Variants in ZNF560 observed in about 807,000 individuals in gnomAD.
ZNF560 encodes the protein zinc finger protein 560.
In ZNF560, 54 loss-of-function variants were observed where a neutral mutation model predicts 81.8. That is an observed-to-expected ratio of 0.66 (90% CI 0.53 to 0.83). The LOEUF is 0.83. Ranked by LOEUF, ZNF560 falls within the 40% of genes least tolerant of loss-of-function variation. ZNF560 has a pLI of 0.00. For synonymous variants in ZNF560, 321 were observed against 317.9 expected, an observed-to-expected ratio of 1.01 and a Z score of -0.10; for missense variants, 940 against 932.4, an observed-to-expected ratio of 1.01 and a Z score of -0.11.
chr19:9,464,907 A>G (rs60851308), downstream of ZNF560, among the ~76,000 whole-genome samples: 16,000 of 152,196 alleles, frequency 0.11, 993 homozygotes, highest in South Asian at 0.2. Flanking sequence ...CCAGTTTCTC[A>G]TAAGTGTGAA....
the ZNF560 span, among the ~76,000 whole-genome samples, chr19:9,453,899 A>T: frequency 6.6e-6 from 1 of 152,236 alleles, no homozygotes; most frequent in African/African-American, 2.4e-5. Flanking sequence ...CTAAGAAAAG[A>T]ATATTGCTTG....
chr19:9,488,707 A>C lies in ZNF560; in HGVS notation c.-57+9421T>G, dbSNP rs529572942. Among the ~76,000 whole-genome samples, 5 of 152,270 alleles carry C rather than the reference A, an allele frequency of 3.3e-5. No individual in the cohort carries two copies. The East Asian group carries it at 9.7e-4, about 29-fold the overall frequency. On this transcript the variant is annotated intron_variant, in intron 2 of 9. Coordinates refer to ENST00000301480, the MANE Select transcript of ZNF560 (RefSeq NM_152476.3). ...TAAGGGTATTAGATCAAGAAGGTTA[A>C]AATGTTAACATTAGATAGGCCCAAA...
intron 2 of ZNF560, among the ~76,000 whole-genome samples, chr19:9,495,737 GA>G (rs1286933998): frequency 6.6e-6 from 1 of 152,040 alleles, no homozygotes; most frequent in Admixed American, 6.6e-5. Context: ...AGAAAGAAAA[GA>G]AAGAAAGAAC....
At chr19:9,498,795 T>C (rs1004267579), upstream of ZNF560, 1 of 145,488 alleles carries the variant, frequency 6.9e-6, no homozygotes, top group Non-Finnish European at 1.5e-5. Flanking sequence ...CAGAGAAAGG[T>C]GGGGGTTAAA....
the ZNF560 span, among the ~76,000 whole-genome samples, chr19:9,449,721 C>T: frequency 6.6e-6 from 1 of 152,142 alleles, no homozygotes; most frequent in Non-Finnish European, 1.5e-5. Context: ...GTAATCCCAG[C>T]ACTTTGGAAA....
chr19:9,458,510 AT>A, the ZNF560 span, among the ~76,000 whole-genome samples: 7 of 152,352 alleles, frequency 4.6e-5, no homozygotes, highest in East Asian at 1.3e-3. Context: ...GATTCTTCAT[AT>A]GTGGTTCTAC....
rs779550008 is a variant in ZNF560, at chr19:9,466,844, A to T, written c.2103T>A (p.Asp701Glu). ...TTATTTTGGTGAGAGTTTTTAAGCG[A>T]TCATGAAAGCACATGGAATTTCGAA... ...NSFRNSMCFH[D>E]RLKTLTKIKP... Residue 701 changes from aspartate (D) to glutamate (E), a missense_variant, in exon 10 of 10, where the codon GAT (aspartate) becomes GAA (glutamate). Coordinates refer to ENST00000301480, the MANE Select transcript of ZNF560 (RefSeq NM_152476.3). The T allele has an allele frequency of 1.2e-6, 2 of 1,613,700 alleles. No individual in the cohort carries two copies. Among genetic ancestry groups the T allele is most frequent in the South Asian group, 2.2e-5 (2 of 91,050 alleles).
rs761566530 is a variant in ZNF560 at position 9,468,270 on chromosome 19, T to G, written c.677A>C (p.His226Pro). 1 of 1,613,580 alleles carries G rather than the reference T, an allele frequency of 6.2e-7. No homozygotes were observed. The highest frequency in any genetic ancestry group is 1.1e-5 in the South Asian group (1 of 90,884). ...ACTCATGTTGGTCTTAAGGCATGGA[T>G]GTTTACAGAAGACATCTTCACATTG... is the stretch of plus-strand genomic sequence containing the variant. Reference protein sequence around the residue: ...CKQCEDVFCKHPCLKTNMSTQ... With the variant: ...CKQCEDVFCKPPCLKTNMSTQ... Residue 226 changes from histidine (H) to proline (P), a missense_variant, in exon 10 of 10, where the codon CAT becomes CCT. Physicochemically the swap from His to Pro is moderately conservative, Grantham distance 77. Coordinates refer to ENST00000301480, the MANE Select transcript of ZNF560 (RefSeq NM_152476.3).
At chr19:9,468,410 T>C in intron 9 of ZNF560, 76 bp from the exon 10 acceptor site, 1 of 1,159,130 alleles carries the variant, frequency 8.6e-7, no homozygotes, top group Non-Finnish European at 1.2e-6. Context: ...CTAAGAAACA[T>C]GATAATTATT....
chr19:9,496,914 G>A lies in ZNF560; in HGVS notation c.-57+1214C>T, dbSNP rs566904012. ...TCACACCACTGCACTCCACCCTGGC[G>A]ACAGAACGAGACTGTGTCTCAAAAA... On this transcript the variant is annotated intron_variant, in intron 2 of 9. Transcript: ENST00000301480. 3.3e-5 allele frequency among the ~76,000 whole-genome samples: 5 copies of A among 151,348 alleles called. No individual in the cohort carries two copies. The South Asian group carries it at 6.3e-4, about 19-fold the overall frequency.
At chr19:9,457,328 G>T in the ZNF560 span, among the ~76,000 whole-genome samples, 15 of 152,248 alleles carry the variant, frequency 9.9e-5, no homozygotes, top group African/African-American at 3.6e-4. Flanking sequence ...TAAAAGACTT[G>T]TTTCTTTACT....
In ZNF560 at chr19:9,468,326, G is replaced by T; in HGVS notation, c.621C>A (p.Asn207Lys). The T allele has an allele frequency of 6.3e-7, 1 of 1,587,428 alleles. No individual in the cohort carries two copies. Among genetic ancestry groups the T allele is most frequent in the Non-Finnish European group, 8.6e-7 (1 of 1,169,506 alleles). ...AGTCATAGAGTTCCTCTCCATTTTG[G>T]TTTCTTGCCTGTTAACACAGGAATG... Reference protein sequence around the residue: ...KTLNGIQLARNQNGEELYDCK... With the variant: ...KTLNGIQLARKQNGEELYDCK... The change falls in exon 10 of 10, where the codon AAC becomes AAA. Residue 207 changes from asparagine to lysine, a missense_variant. Asn to Lys is a moderately conservative substitution (Grantham distance 94). Transcript: ENST00000301480.
upstream of ZNF560, among the ~76,000 whole-genome samples, chr19:9,499,382 A>G (rs1188904371): frequency 6.6e-6 from 1 of 152,042 alleles, no homozygotes; most frequent in East Asian, 1.9e-4. Context: ...TTTTGTAGAG[A>G]CAGGATCTAA....
At chr19:9,473,078 A>C in intron 5 of ZNF560, 101 bp downstream of exon 5, 2 of 911,602 alleles carry the variant, frequency 2.2e-6, no homozygotes, top group Middle Eastern at 4.4e-4. Context: ...TAAATCACCC[A>C]GTCTCAGGTA....
downstream of ZNF560, among the ~76,000 whole-genome samples, chr19:9,466,279 G>A (rs2144680673): frequency 6.6e-6 from 1 of 151,848 alleles, no homozygotes; most frequent in Admixed American, 6.6e-5. Context: ...TTGGGAGGCA[G>A]AGGTTGCAGT....
intron 2 of ZNF560, among the ~76,000 whole-genome samples, chr19:9,494,671 G>A (rs1480293628): frequency 1.3e-5 from 2 of 152,124 alleles, no homozygotes; most frequent in Non-Finnish European, 1.5e-5. Context: ...GGGAGGCAGA[G>A]GTTGCAGTGA....
chr19:9,449,546 C>T, the ZNF560 span, among the ~76,000 whole-genome samples: 10 of 152,076 alleles, frequency 6.6e-5, no homozygotes, highest in Admixed American at 3.3e-4. Flanking sequence ...ACAGCAAAAA[C>T]TTAGAAAGTC....
At chr19:9,491,560 C>A (rs554960774) in intron 2 of ZNF560, among the ~76,000 whole-genome samples, 4 of 152,044 alleles carry the variant, frequency 2.6e-5, no homozygotes, top group Admixed American at 2.0e-4. Context: ...GGCATGGTGG[C>A]TCACACCTGT....
At chr19:9,473,889 G>A (rs2073160221) in intron 4 of ZNF560, among the ~76,000 whole-genome samples, 1 of 152,190 alleles carries the variant, frequency 6.6e-6, no homozygotes, top group African/African-American at 2.4e-5. Flanking sequence ...AACTACACCA[G>A]TGATTCTTAA....
Sources: allele counts gnomAD v4.1 joint callset (sites outside exome capture counted in the v4.1 genomes callset), GRCh38; gene constraint gnomAD v4.1.1; transcripts MANE v1.5; gene names NCBI Gene and HGNC (gene_info 2026-07-23, HGNC 2026-07-21).